FAAH2: variants seen among roughly 807,000 people sequenced by gnomAD.
FAAH2 encodes fatty acid amide hydrolase 2, also known as fatty-acid amide hydrolase 2.
FAAH2 carries 60 observed loss-of-function variants against 36.9 expected under a neutral mutation model. That is an observed-to-expected ratio of 1.63 (90% confidence interval 1.32 to 2.02). The LOEUF is 2.02. Among genes scored for constraint, FAAH2 ranks in the 30% most tolerant of loss-of-function variants. The pLI, the probability that FAAH2 is intolerant of heterozygous loss-of-function variation, is 0.00. For missense variants in FAAH2, 689 were observed against 397.5 expected, an observed-to-expected ratio of 1.73 and a Z score of -6.23; for synonymous variants, 214 against 143.8, an observed-to-expected ratio of 1.49 and a Z score of -3.49.
At chrX:57,466,083 C>T (rs1472579050) in intron 10 of FAAH2, among the ~76,000 whole-genome samples, 1 of 104,865 alleles carries the variant, frequency 9.5e-6, no homozygotes, top group African/African-American at 3.5e-5. Flanking sequence ...AAAACACATA[C>T]ATACATTATA....
chrX:57,170,721 GTGTC>G, the FAAH2 span, among the ~76,000 whole-genome samples: 593 of 96,850 alleles, frequency 6.1e-3, 1 homozygote, highest in African/African-American at 0.025. Context: ...GTGTGTGTGT[GTGTC>G]ATGGAGTCAC....
At chrX:57,474,230 C>T (rs1310649447) in intron 10 of FAAH2, among the ~76,000 whole-genome samples, 2 of 111,273 alleles carry the variant, frequency 1.8e-5, no homozygotes, top group South Asian at 3.7e-4. Context: ...CTGGGATACA[C>T]GTGTAGAATA....
the FAAH2 span, among the ~76,000 whole-genome samples, chrX:57,151,305 C>T: frequency 8.9e-6 from 1 of 111,745 alleles, no homozygotes; most frequent in African/African-American, 3.3e-5. Flanking sequence ...TGAATGTTGG[C>T]CTGCCTTGCT....
At chrX:57,304,175 C>T (rs757311225) in intron 2 of FAAH2, among the ~76,000 whole-genome samples, 1 of 111,817 alleles carries the variant, frequency 8.9e-6, no homozygotes, top group East Asian at 2.8e-4. Context: ...CCACTGCACT[C>T]CAGCCTGGCC....
chrX:57,261,457 G>A, the FAAH2 span, among the ~76,000 whole-genome samples: 3 of 104,455 alleles, frequency 2.9e-5, no homozygotes, highest in Admixed American at 1.1e-4. Context: ...GGAGTCTGAG[G>A]CAGGAGAACC....
intron 10 of FAAH2, among the ~76,000 whole-genome samples, chrX:57,479,224 T>C (rs367728627): frequency 1.8e-5 from 2 of 111,466 alleles, no homozygotes; most frequent in Admixed American, 9.6e-5. Flanking sequence ...AGTTGGATTC[T>C]TAGGTATTTT....
the FAAH2 span, among the ~76,000 whole-genome samples, chrX:57,180,271 A>G: frequency 8.9e-6 from 1 of 111,861 alleles, no homozygotes; most frequent in Non-Finnish European, 1.9e-5. Flanking sequence ...ATCAGAGCTG[A>G]ACTGAAGGAG....
intron 3 of FAAH2, among the ~76,000 whole-genome samples, chrX:57,327,798 GC>G (rs1406139307): frequency 6.3e-5 from 7 of 111,206 alleles, no homozygotes; most frequent in African/African-American, 2.3e-4. Flanking sequence ...TCCTCCTTTA[GC>G]TTGCCGTAGT....
intron 5 of FAAH2, among the ~76,000 whole-genome samples, chrX:57,353,348 G>T (rs1225482955): frequency 5.5e-5 from 6 of 108,866 alleles, no homozygotes; most frequent in Non-Finnish European, 1.2e-4. Flanking sequence ...CATTGTGGAA[G>T]TGAATCACTT....
the FAAH2 span, among the ~76,000 whole-genome samples, chrX:57,195,611 G>A: frequency 7.7e-4 from 86 of 111,669 alleles, no homozygotes; most frequent in African/African-American, 2.5e-3. Flanking sequence ...GTTTAATTAA[G>A]TCCCATCAAT....
chrX:57,380,580 A>G (rs754708447), intron 6 of FAAH2, among the ~76,000 whole-genome samples: 18 of 111,526 alleles, frequency 1.6e-4, no homozygotes, highest in African/African-American at 5.9e-4. Flanking sequence ...GAAATTACCT[A>G]CTAATGATTT....
At chrX:57,318,802 C>T (rs1432878857) in intron 3 of FAAH2, among the ~76,000 whole-genome samples, 1 of 111,919 alleles carries the variant, frequency 8.9e-6, no homozygotes, top group Non-Finnish European at 1.9e-5. Flanking sequence ...TCCAGCAGTA[C>T]ATCAGAAAGT....
At chrX:57,203,660 T>C in the FAAH2 span, among the ~76,000 whole-genome samples, 21 of 112,105 alleles carry the variant, frequency 1.9e-4, no homozygotes, top group South Asian at 7.9e-3. Flanking sequence ...ACAATCATCA[T>C]TGAAATCACA....
chrX:57,408,958 C>A (rs759371817), intron 7 of FAAH2, among the ~76,000 whole-genome samples: 13 of 110,648 alleles, frequency 1.2e-4, no homozygotes, highest in Admixed American at 1.2e-3. Context: ...ATTGTGTGAA[C>A]AATATAGAGT....
chrX:57,129,115 A>C, the FAAH2 span, among the ~76,000 whole-genome samples: 2 of 112,124 alleles, frequency 1.8e-5, no homozygotes, highest in Admixed American at 9.4e-5. Context: ...TGTAATATAT[A>C]GTGAAAACAG....
At chrX:57,454,333 T>A (rs1457457374) in intron 10 of FAAH2, among the ~76,000 whole-genome samples, 1 of 112,133 alleles carries the variant, frequency 8.9e-6, no homozygotes, top group African/African-American at 3.2e-5. Context: ...CCTCAACTTA[T>A]CTCACGGGTG....
intron 10 of FAAH2, among the ~76,000 whole-genome samples, chrX:57,474,506 G>C (rs1166495011): frequency 9.0e-6 from 1 of 111,409 alleles, no homozygotes; most frequent in African/African-American, 3.3e-5. Context: ...ATGGCTGCCA[G>C]CTTCATCCAT....
At chrX:57,124,198 A>C in the FAAH2 span, among the ~76,000 whole-genome samples, 1 of 111,398 alleles carries the variant, frequency 9.0e-6, no homozygotes, top group Non-Finnish European at 1.9e-5. Flanking sequence ...TAAGGAAGGG[A>C]TCCAGTTTCA....
chrX:57,248,753 C>CA, the FAAH2 span, among the ~76,000 whole-genome samples: 4,209 of 14,409 alleles, frequency 0.29, 973 homozygotes, highest in Middle Eastern at 0.67. Flanking sequence ...AGCTCCGTCT[C>CA]AAAAAAAAAA....
Sources: allele counts gnomAD v4.1 joint callset (sites outside exome capture counted in the v4.1 genomes callset), GRCh38; gene constraint gnomAD v4.1.1; transcripts MANE v1.5; gene names NCBI Gene and HGNC (gene_info 2026-07-23, HGNC 2026-07-21).